Variants in DNAH5 observed in about 807,000 individuals in gnomAD.
The protein encoded by DNAH5 is dynein axonemal heavy chain 5, also known as axonemal beta dynein heavy chain 5.
A neutral mutation model predicts 518.2 loss-of-function variants in DNAH5; 372 were observed. That is an observed-to-expected ratio of 0.72 (90% CI 0.66 to 0.78). The LOEUF is 0.78. Among genes scored for constraint, DNAH5 ranks in the 30% least tolerant of loss-of-function variants. The probability of loss-of-function intolerance (pLI) is 0.00; values close to 1 mark genes in which losing one functional copy is unlikely to be tolerated. For missense variants in DNAH5, 5,523 were observed against 5,687.0 expected, an observed-to-expected ratio of 0.97 and a Z score of 0.93; for synonymous variants, 2,039 against 2,025.9, an observed-to-expected ratio of 1.01 and a Z score of -0.17.
In DNAH5 at chr5:13,996,699, A is replaced by C. The variant is rs552446794; in HGVS notation, c.12+14949T>G. On this transcript the variant is annotated intron_variant, in intron 1 of 78. Coordinates refer to the DNAH5 transcript ENST00000681290. ...CTCTGGGGCAGACGTTAGACCCCCA[A>C]GGTTCTGGACAGCCTGGCCCCATGG... Among the ~76,000 whole-genome samples, 8 of 152,330 alleles carry C rather than the reference A, an allele frequency of 5.3e-5. No individual in the cohort carries two copies. In the East Asian group the frequency reaches 1.5e-3, roughly 29 times the overall value.
chr5:13,998,934 C>T (rs1302032393), intron 1 of DNAH5, among the ~76,000 whole-genome samples: 1 of 152,156 alleles, frequency 6.6e-6, no homozygotes, highest in East Asian at 1.9e-4. Flanking sequence ...TGCAGTGGCT[C>T]AATCTCAGCT....
chr5:13,769,043 T>C lies in DNAH5; in HGVS notation c.9814A>G (p.Ser3272Gly). 1 of 1,614,240 alleles carries C rather than the reference T, an allele frequency of 6.2e-7. No homozygotes were observed. Among genetic ancestry groups the C allele is most frequent in the South Asian group, 1.1e-5 (1 of 91,088 alleles). Residue 3272 changes from serine to glycine, a missense_variant, in exon 58 of 79, where the codon AGC becomes GGC. Transcript: ENST00000265104. ...GCAATGGCTTTGTCTTTAGAGATGC[T>C]GTCCACAATGGCCTGGGCCCTGTCC... ...VKDRAQAIVDSISKDKAIAEE... is the reference protein window; with the variant it reads ...VKDRAQAIVDGISKDKAIAEE...
intron 38 of DNAH5, among the ~76,000 whole-genome samples, chr5:13,828,398 A>C (rs978721108): frequency 1.3e-5 from 2 of 152,254 alleles, no homozygotes; most frequent in Non-Finnish European, 2.9e-5. Flanking sequence ...ATATATTTCT[A>C]GTAATTTTTA....
intron 19 of DNAH5, 120 bp from the exon 20 acceptor site, chr5:13,883,214 T>G (rs1274639258): frequency 1.2e-5 from 13 of 1,069,762 alleles, no homozygotes; most frequent in Non-Finnish European, 1.8e-5. Flanking sequence ...AAATATTTGT[T>G]GAATGAATGA....
chr5:13,769,244 G>GTTTTTTT (rs1473645297), intron 57 of DNAH5, 108 bp from the exon 58 acceptor site: 2 of 879,154 alleles, frequency 2.3e-6, no homozygotes, highest in African/African-American at 2.1e-5. Flanking sequence ...ACCCAGTTTT[G>GTTTTTTT]TTGTTTTTTT....
chr5:13,744,965 C>T (rs898135830), intron 65 of DNAH5, among the ~76,000 whole-genome samples: 17 of 151,974 alleles, frequency 1.1e-4, no homozygotes, highest in Non-Finnish European at 2.5e-4. Flanking sequence ...CTGGTGATAA[C>T]GATGTCTGTT....
intron 65 of DNAH5, among the ~76,000 whole-genome samples, chr5:13,740,293 C>G (rs896337946): frequency 2.6e-5 from 4 of 151,764 alleles, no homozygotes; most frequent in Non-Finnish European, 5.9e-5. Context: ...AGCCTTACCC[C>G]CTGGTCTACT....
intron 1 of DNAH5, chr5:13,932,096 C>A (rs1021867646): frequency 1.3e-5 from 2 of 152,238 alleles, no homozygotes; most frequent in Non-Finnish European, 2.9e-5. Context: ...CCCTCTGGAT[C>A]CCTTCTTTTA....
chr5:13,926,825 T>G (rs2152002280), intron 3 of DNAH5, among the ~76,000 whole-genome samples: 1 of 152,348 alleles, frequency 6.6e-6, no homozygotes, highest in South Asian at 2.1e-4. Context: ...ATGGATAAAC[T>G]TGATCTTTCA....
intron 29 of DNAH5, among the ~76,000 whole-genome samples, chr5:13,860,127 T>C (rs1580628513): frequency 1.3e-5 from 2 of 152,200 alleles, no homozygotes. Context: ...AACCCACTCA[T>C]GTTTGATGTA....
intron 74 of DNAH5, 123 bp from the exon 75 acceptor site, chr5:13,714,743 A>C (rs1744063018): frequency 1.1e-6 from 1 of 924,242 alleles, no homozygotes; most frequent in African/African-American, 1.6e-5. Flanking sequence ...TATTGGTGTC[A>C]AGCTACAAAC....
intron 38 of DNAH5, among the ~76,000 whole-genome samples, chr5:13,825,823 AC>A (rs1762818792): frequency 6.6e-6 from 1 of 152,236 alleles, no homozygotes; most frequent in South Asian, 2.1e-4. Context: ...ATTGAATTGT[AC>A]ACTAAAAATG....
At chr5:13,960,111 C>CAAAA (rs78100175) in intron 1 of DNAH5, among the ~76,000 whole-genome samples, 306 of 139,836 alleles carry the variant, frequency 2.2e-3, no homozygotes, top group African/African-American at 7.4e-3. Flanking sequence ...CTTTTATCTT[C>CAAAA]AAAAAAAAAA....
chr5:13,841,259 T>C, intron 33 of DNAH5, 129 bp from the exon 34 acceptor site: 1 of 746,032 alleles, frequency 1.3e-6, no homozygotes, highest in Non-Finnish European at 2.2e-6. Context: ...CTTTGATACC[T>C]TTTTTCATAA....
intron 2 of DNAH5, among the ~76,000 whole-genome samples, chr5:13,929,430 G>A (rs964731565): frequency 2.6e-5 from 4 of 152,106 alleles, no homozygotes; most frequent in Admixed American, 6.5e-5. Flanking sequence ...TAATGTGAAC[G>A]TACTTAACAC....
rs549750321 is a variant in DNAH5, at chr5:13,991,731, C to T, written c.12+19917G>A. On this transcript the variant is annotated intron_variant, in intron 1 of 78. Transcript: ENST00000681290. ...GGGGGAGCCCTTCATTTTCTTATGA[C>T]TGAGGTTTACATGTTGAGAAAGGGG... Among the ~76,000 whole-genome samples the T allele has an allele frequency of 6.6e-5, 10 of 152,154 alleles. No individual in the cohort carries two copies. In the South Asian group the frequency reaches 1.9e-3, roughly 28 times the overall value.
chr5:13,817,529 C>T lies in DNAH5; in HGVS notation c.6988+19G>A, dbSNP rs1311505123. ...TCTAGAAGTATAATCAAAAATAATC[C>T]TTGTAATTTATCTTCTACCTTTCTT... On this transcript the variant is annotated intron_variant, in intron 42 of 78. Transcript: ENST00000265104. 6.2e-7 allele frequency: 1 copy of T among 1,612,124 alleles called. No homozygotes were observed.
intron 1 of DNAH5, among the ~76,000 whole-genome samples, chr5:13,942,261 C>A (rs890554911): frequency 2.1e-4 from 32 of 150,818 alleles, no homozygotes; most frequent in African/African-American, 7.5e-4. Flanking sequence ...TCAATTATTA[C>A]ATTACAGTAG....
rs533400651 is a variant in DNAH5, at chr5:13,756,046, A to AC, written c.10420-1709dup. Among the ~76,000 whole-genome samples the AC allele has an allele frequency of 2.3e-3, 349 of 151,904 alleles. 4 individuals are homozygous for AC. Among genetic ancestry groups the AC allele is most frequent in the African/African-American group, 8.0e-3 (330 of 41,408 alleles). On this transcript the variant is annotated intron_variant, in intron 61 of 78. Transcript: ENST00000265104. ...GGACTTACTGGGTTCCCTGAGTAGT[A>AC]CCCCCCTCCTCAGGCCCACTCTCTC...
Sources: allele counts gnomAD v4.1 joint callset (sites outside exome capture counted in the v4.1 genomes callset), GRCh38; gene constraint gnomAD v4.1.1; transcripts MANE v1.5; gene names NCBI Gene and HGNC (gene_info 2026-07-23, HGNC 2026-07-21).